The following MED12L variants were observed in gnomAD, a reference collection of about 807,000 sequenced individuals.
The protein encoded by MED12L is mediator complex subunit 12L, also known as mediator of RNA polymerase II transcription subunit 12-like protein.
Under a neutral mutation model 281.3 loss-of-function variants are expected in MED12L, and 60 were observed. That is an observed-to-expected ratio of 0.21 (90% CI 0.17 to 0.26). The LOEUF (loss-of-function observed/expected upper bound fraction) is 0.26. Among genes scored for constraint, MED12L ranks in the 10% least tolerant of loss-of-function variants. The pLI is 1.00. For synonymous variants in MED12L, 974 were observed against 987.2 expected (o/e 0.99, Z 0.25); for missense variants, 2,146 against 2,680.9 (o/e 0.80, Z 4.41).
chr3:151,268,769 A>G (rs1482821180), intron 16 of MED12L, among the ~76,000 whole-genome samples: 2 of 152,222 alleles, frequency 1.3e-5, no homozygotes, highest in Non-Finnish European at 2.9e-5. Flanking sequence ...CTACTAACAG[A>G]TGAAATGGAG....
At chr3:151,354,032 T>G (rs1462691709) in intron 17 of MED12L, among the ~76,000 whole-genome samples, 1 of 147,346 alleles carries the variant, frequency 6.8e-6, no homozygotes, top group African/African-American at 2.5e-5. Context: ...TCCCAGCTAC[T>G]TGGGAGGCTG....
intron 17 of MED12L, among the ~76,000 whole-genome samples, chr3:151,351,415 AG>A (rs1405423642): frequency 1.3e-5 from 2 of 152,168 alleles, no homozygotes; most frequent in African/African-American, 4.8e-5. Flanking sequence ...TTCCATTCCC[AG>A]TTAAGGGCTT....
intron 16 of MED12L, chr3:151,199,036 T>C: frequency 6.2e-7 from 1 of 1,614,118 alleles, no homozygotes; most frequent in Non-Finnish European, 8.5e-7. Flanking sequence ...TGCAGCTGTG[T>C]GTCAGCTGAA....
At chr3:151,156,063 T>C (rs1719234599) in intron 5 of MED12L, 98 bp from the exon 6 acceptor site, 1 of 1,041,534 alleles carries the variant, frequency 9.6e-7, no homozygotes, top group Non-Finnish European at 1.4e-6. Flanking sequence ...GTTTGTTTTA[T>C]CAGTACACCC....
At chr3:151,405,340 T>C (rs1716171669) in intron 39 of MED12L, among the ~76,000 whole-genome samples, 3 of 152,250 alleles carry the variant, frequency 2.0e-5, no homozygotes, top group Admixed American at 2.0e-4. Flanking sequence ...CAGTTCTCTG[T>C]AGATCATTCC....
At chr3:151,098,934 T>C (rs1721066839) in intron 2 of MED12L, among the ~76,000 whole-genome samples, 1 of 151,974 alleles carries the variant, frequency 6.6e-6, no homozygotes, top group East Asian at 1.9e-4. Context: ...ACAATCATGG[T>C]GGAAGGTGAA....
At chr3:151,120,382 G>A (rs1391478374) in intron 3 of MED12L, among the ~76,000 whole-genome samples, 3 of 152,154 alleles carry the variant, frequency 2.0e-5, no homozygotes, top group Non-Finnish European at 4.4e-5. Flanking sequence ...TGGAAGCCTA[G>A]CCTAAAGCTC....
chr3:151,384,025 G>T, intron 34 of MED12L, 58 bp from the exon 35 acceptor site: 1 of 1,551,266 alleles, frequency 6.4e-7, no homozygotes, highest in Non-Finnish European at 8.8e-7. Flanking sequence ...AAAATACTCA[G>T]TTAAATAAGT....
At position 151,365,142 on chromosome 3, in the gene MED12L, A is replaced by G; in HGVS notation, c.3121A>G (p.Asn1041Asp). The G allele has an allele frequency of 5.0e-6, 8 of 1,614,088 alleles. No homozygotes were observed. The highest frequency in any genetic ancestry group is 6.8e-6 in the Non-Finnish European group (8 of 1,179,952). Residue 1041 changes from asparagine (N) to aspartate (D), a missense_variant, in exon 22 of 45, where the codon AAT becomes GAT. Asn to Asp is a conservative substitution (Grantham distance 23). Coordinates refer to ENST00000687756, the MANE Select transcript of MED12L (RefSeq NM_001393769.1). ...LGKILSDNAANRYSFVCNTLM... is the reference protein window; with the variant it reads ...LGKILSDNAADRYSFVCNTLM... ...CAAGATCCTCAGTGACAATGCGGCC[A>G]ATCGCTACAGCTTTGTCTGCAATAC...
rs966177699 is a variant in MED12L, at chr3:151,434,998, A to C, written c.*2194A>C. Reference sequence around the variant, plus strand: ...GTTTTACCCCTGCGCATTATAAAGAAAATAACTAGAATTACTTTAGTCTTC... The same window carrying C: ...GTTTTACCCCTGCGCATTATAAAGACAATAACTAGAATTACTTTAGTCTTC... On this transcript the variant is annotated 3_prime_UTR_variant, in exon 45 of 45. Coordinates refer to ENST00000687756, the MANE Select transcript of MED12L (RefSeq NM_001393769.1). 1 of 151,878 alleles carries C rather than the reference A, an allele frequency of 6.6e-6. No individual in the cohort carries two copies. The highest frequency in any genetic ancestry group is 1.5e-5 in the Non-Finnish European group (1 of 68,026). 9.4% of individuals were successfully genotyped at this position (151,878 alleles called of 1,614,324 possible).
chr3:151,190,944 AT>A lies in MED12L; in HGVS notation c.1968+14del. 1 of 1,610,686 alleles carries A rather than the reference AT, an allele frequency of 6.2e-7. No individual in the cohort carries two copies. The highest frequency in any genetic ancestry group is 8.5e-7 in the Non-Finnish European group (1 of 1,177,368). ...TGTGAAAATGGAGGTATGGCCCTGG[AT>A]ATGATGCCCCACTCCCCCAGAAACT... is the stretch of plus-strand genomic sequence containing the variant. On this transcript the variant is annotated intron_variant, in intron 14 of 44. Coordinates refer to ENST00000687756, the MANE Select transcript of MED12L (RefSeq NM_001393769.1).
chr3:151,225,406 C>G (rs551352211), intron 16 of MED12L, among the ~76,000 whole-genome samples: 1 of 152,252 alleles, frequency 6.6e-6, no homozygotes, highest in South Asian at 2.1e-4. Context: ...TCTGGTGAGG[C>G]CTTCCTGCTG....
chr3:151,191,602 A>G (rs1479944599), intron 14 of MED12L, among the ~76,000 whole-genome samples: 2 of 152,162 alleles, frequency 1.3e-5, no homozygotes, highest in African/African-American at 2.4e-5. Context: ...ACTTGAGACA[A>G]TTGCTTAAAA....
intron 27 of MED12L, among the ~76,000 whole-genome samples, chr3:151,374,320 G>T (rs1232371933): frequency 2.0e-5 from 3 of 152,164 alleles, no homozygotes; most frequent in Non-Finnish European, 4.4e-5. Context: ...GGCTGAGGCA[G>T]GTGGATCACT....
chr3:151,427,565 A>G (rs995145701), intron 43 of MED12L, among the ~76,000 whole-genome samples: 2 of 152,250 alleles, frequency 1.3e-5, no homozygotes, highest in African/African-American at 4.8e-5. Flanking sequence ...GAAGGCAGCT[A>G]TGTGTTTGTT....
rs1726305553 is a variant in MED12L, at chr3:151,206,070, A to AT, written c.2250+12404_2250+12405insT. On this transcript the variant is annotated intron_variant, in intron 16 of 44. Transcript: ENST00000687756. The stretch of plus-strand genomic sequence containing the variant: ...TCAGGGTTATGTTTTGAAAGAAAAT[A>AT]ATTTTTTTTTTTTTTTTTTTTTGCA... 4.2e-5 allele frequency among the ~76,000 whole-genome samples: 6 copies of AT among 142,426 alleles called. No individual in the cohort carries two copies. In the South Asian group the frequency reaches 9.0e-4, roughly 21 times the overall value. The allele number at this position is 142,426 out of a possible 152,430, so 93.4% of individuals were successfully genotyped here. A position where few individuals can be genotyped will look rare whatever the true frequency, so the allele number is the denominator to read the frequency against.
At chr3:151,243,281 C>A (rs1734615064) in intron 16 of MED12L, among the ~76,000 whole-genome samples, 1 of 151,580 alleles carries the variant, frequency 6.6e-6, no homozygotes, top group African/African-American at 2.4e-5. Context: ...CAAAGATACT[C>A]CTCGAGAAGA....
rs930789555 is a variant in MED12L, at chr3:151,243,420, G to T, written c.2250+49754G>T. Among the ~76,000 whole-genome samples the T allele has an allele frequency of 9.9e-4, 3 of 3,016 alleles. No homozygotes were observed. In the African/African-American group the frequency reaches 0.033, roughly 33 times the overall value. 2.0% of individuals were successfully genotyped at this position (3,016 alleles called of 152,430 possible). A position where few individuals can be genotyped will look rare whatever the true frequency, so the allele number is the denominator to read the frequency against. Reference sequence around the variant, plus strand: ...CCATCAGACTAACAGCGGATCTCTCGGCAGAAACCCTACAAGCCAGAAGAG... The same window carrying T: ...CCATCAGACTAACAGCGGATCTCTCTGCAGAAACCCTACAAGCCAGAAGAG... On this transcript the variant is annotated intron_variant, in intron 16 of 44. Coordinates refer to ENST00000687756, the MANE Select transcript of MED12L (RefSeq NM_001393769.1).
At chr3:151,135,113 G>A (rs1437774168) in intron 5 of MED12L, among the ~76,000 whole-genome samples, 1 of 150,340 alleles carries the variant, frequency 6.7e-6, no homozygotes. Context: ...GCCAACCTCC[G>A]CTCTCAGGTT....
Sources: gnomAD v4.1 joint callset for allele counts (sites outside exome capture counted in the v4.1 genomes callset) on GRCh38, gnomAD v4.1.1 for gene constraint, MANE v1.5 for transcripts, NCBI Gene and HGNC (gene_info 2026-07-23, HGNC 2026-07-21) for gene names.